The following JCAD variants were observed in gnomAD, a reference collection of about 807,000 sequenced individuals.
The protein encoded by JCAD is junctional cadherin 5 associated.
In JCAD, 40 loss-of-function variants were observed where a neutral mutation model predicts 98.0. The observed-to-expected ratio is 0.41, with a 90% confidence interval of 0.32 to 0.53. The LOEUF (loss-of-function observed/expected upper bound fraction) is 0.53. Among genes scored for constraint, JCAD ranks in the 20% least tolerant of loss-of-function variants. The pLI is 0.31. For missense variants in JCAD, 1,705 were observed against 1,738.1 expected (o/e 0.98, Z 0.34); for synonymous variants, 691 against 682.3 (o/e 1.01, Z -0.20).
At chr10:30,022,162 G>A (rs936239406) in intron 3 of JCAD, among the ~76,000 whole-genome samples, 1 of 152,134 alleles carries the variant, frequency 6.6e-6, no homozygotes, top group East Asian at 1.9e-4. Flanking sequence ...TTAACCAGAG[G>A]CATGAAAGAC....
chr10:30,050,142 CTG>C lies in JCAD; in HGVS notation c.-59-2273_-59-2272del, dbSNP rs563392053. Among the ~76,000 whole-genome samples, 685 of 151,704 alleles carry C rather than the reference CTG, an allele frequency of 4.5e-3. 10 individuals are homozygous for C. The South Asian group carries it at 0.051, about 11-fold the overall frequency. On this transcript the variant is annotated intron_variant, in intron 1 of 3. Coordinates refer to ENST00000375377, the MANE Select transcript of JCAD (RefSeq NM_020848.4). ...CAAGCTTGGCCAACATGGTGAGAGC[CTG>C]TCTCTACTAAAAATACAAAAATTAG...
intron 1 of JCAD, among the ~76,000 whole-genome samples, chr10:30,085,960 A>G (rs866280977): frequency 2.0e-5 from 3 of 152,226 alleles, no homozygotes; most frequent in South Asian, 4.1e-4. Flanking sequence ...AAATGTTAAA[A>G]TTCAAAATTA....
At chr10:30,106,170 C>T (rs551889878) in intron 1 of JCAD, among the ~76,000 whole-genome samples, 8 of 152,186 alleles carry the variant, frequency 5.3e-5, no homozygotes, top group African/African-American at 1.7e-4. Context: ...CACCTGTAAT[C>T]CCAGCACTTT....
At chr10:30,114,202 A>C (rs1330286866) in intron 1 of JCAD, among the ~76,000 whole-genome samples, 3 of 152,202 alleles carry the variant, frequency 2.0e-5, no homozygotes, top group Non-Finnish European at 4.4e-5. Context: ...CTGAAGCTTG[A>C]AATTTGGCAC....
intron 1 of JCAD, among the ~76,000 whole-genome samples, chr10:30,075,912 C>A (rs1235241334): frequency 6.6e-6 from 1 of 152,002 alleles, no homozygotes; most frequent in East Asian, 1.9e-4. Flanking sequence ...GCACTATTTC[C>A]AAGCATTGTC....
upstream of JCAD, among the ~76,000 whole-genome samples, chr10:30,063,072 CT>C (rs1429568739): frequency 6.6e-6 from 1 of 151,792 alleles, no homozygotes; most frequent in East Asian, 1.9e-4. Flanking sequence ...TCCTAATTCC[CT>C]TATCCCTACC....
intron 3 of JCAD, among the ~76,000 whole-genome samples, chr10:30,018,296 C>CTT (rs68092911): frequency 6.5e-4 from 46 of 70,662 alleles, no homozygotes; most frequent in Non-Finnish European, 6.8e-4. Flanking sequence ...TCTTCTTCTT[C>CTT]TTTTTTTTTT....
Position 30,028,505 on chromosome 10 carries a change from C to A in JCAD, c.1643G>T (p.Gly548Val). 1.2e-6 allele frequency: 2 copies of A among 1,614,254 alleles called. No individual in the cohort carries two copies. The highest frequency in any genetic ancestry group is 1.7e-6 in the Non-Finnish European group (2 of 1,180,052). Residue 548 changes from glycine (G) to valine (V), a missense_variant, in exon 3 of 4, where the codon GGC becomes GTC. This residue lies in a region of JCAD where 1,278 missense variants were observed against 1,243.1 expected (regional missense o/e 1.03). Coordinates refer to ENST00000375377, the MANE Select transcript of JCAD (RefSeq NM_020848.4). ...GGTTTGAGTTTCGCAGGTGCTCTCGCCCTGTGAGTAAGGGGAGGAAACTTG... is the reference window on the plus strand; with the variant it reads ...GGTTTGAGTTTCGCAGGTGCTCTCGACCTGTGAGTAAGGGGAGGAAACTTG... ...GRQVSSPYSQ[G>V]ESTCETQTKL...
At chr10:30,022,093 T>C (rs922711906) in intron 3 of JCAD, among the ~76,000 whole-genome samples, 3 of 152,198 alleles carry the variant, frequency 2.0e-5, no homozygotes, top group Non-Finnish European at 2.9e-5. Flanking sequence ...AATTGGAGCA[T>C]CAGTCATCCA....
intron 1 of JCAD, among the ~76,000 whole-genome samples, chr10:30,105,023 T>C (rs1249844078): frequency 6.6e-6 from 1 of 152,240 alleles, no homozygotes; most frequent in Non-Finnish European, 1.5e-5. Context: ...TTATTTTTAC[T>C]TTACAGATCA....
At chr10:30,033,245 T>C (rs1466564535) in intron 2 of JCAD, among the ~76,000 whole-genome samples, 3 of 152,246 alleles carry the variant, frequency 2.0e-5, no homozygotes, top group African/African-American at 7.2e-5. Context: ...AGGTGCTTAA[T>C]GTTCATGGAT....
At chr10:30,070,462 A>G (rs1169323954) in intron 1 of JCAD, among the ~76,000 whole-genome samples, 1 of 152,178 alleles carries the variant, frequency 6.6e-6, no homozygotes, top group Non-Finnish European at 1.5e-5. Flanking sequence ...GAATGAATTG[A>G]GCACCATTTT....
chr10:30,076,399 C>G (rs559664852), intron 1 of JCAD, among the ~76,000 whole-genome samples: 1 of 152,266 alleles, frequency 6.6e-6, no homozygotes, highest in East Asian at 1.9e-4. Flanking sequence ...AAGTTTTTAT[C>G]TGATCAAAAT....
At chr10:30,111,842 C>A (rs1052582628) in intron 1 of JCAD, among the ~76,000 whole-genome samples, 15 of 152,108 alleles carry the variant, frequency 9.9e-5, no homozygotes, top group Admixed American at 4.6e-4. Flanking sequence ...GAAATTGGAA[C>A]CTTCCTACAG....
chr10:30,028,999 G>A lies in JCAD; in HGVS notation c.1149C>T (p.Ser383=), dbSNP rs757793496. Residue 383 remains serine, a synonymous_variant, in exon 3 of 4, where the codon AGC becomes AGT. Transcript: ENST00000375377. ...QQSPTEKAGA[S]GQPPSGPPGT... ...CAGGGGGGCCTGAAGGAGGCTGACC[G>A]CTGGCCCCAGCCTTCTCGGTCGGAG... 2.0e-5 allele frequency: 33 copies of A among 1,613,890 alleles called. No homozygotes were observed. Among genetic ancestry groups the A allele is most frequent in the Middle Eastern group, 1.6e-4 (1 of 6,084 alleles).
chr10:30,072,344 A>G (rs1219604726), intron 1 of JCAD, among the ~76,000 whole-genome samples: 1 of 152,204 alleles, frequency 6.6e-6, no homozygotes, highest in Non-Finnish European at 1.5e-5. Flanking sequence ...TCCAGATTAC[A>G]TGATTTATCT....
intron 1 of JCAD, among the ~76,000 whole-genome samples, chr10:30,076,126 C>T (rs376931451): frequency 3.9e-5 from 6 of 151,966 alleles, no homozygotes; most frequent in African/African-American, 7.3e-5. Context: ...TGGGTTCAAG[C>T]GATTCTCCTG....
chr10:30,019,243 G>A (rs553000885), intron 3 of JCAD, among the ~76,000 whole-genome samples: 1 of 151,660 alleles, frequency 6.6e-6, no homozygotes, highest in South Asian at 2.1e-4. Flanking sequence ...TGTAATCCCA[G>A]CTACTCGGGA....
rs752694008 is a variant in JCAD, at chr10:30,026,235, G to A, written c.3913C>T (p.Pro1305Ser). 9 of 1,614,002 alleles carry A rather than the reference G, an allele frequency of 5.6e-6. No individual in the cohort carries two copies. In the South Asian group the frequency reaches 9.9e-5, roughly 18 times the overall value. The change falls in exon 3 of 4, where the codon CCT (proline) becomes TCT (serine). Residue 1305 changes from proline to serine, a missense_variant. Transcript: ENST00000375377. ...QAGLPGGLVS[P>S]GSGDRAQRLG... ...CTCTGGGCACGGTCCCCACTGCCAGGAGACACAAGGCCTCCCGGGAGCCCG... is the reference window on the plus strand; with the variant it reads ...CTCTGGGCACGGTCCCCACTGCCAGAAGACACAAGGCCTCCCGGGAGCCCG...
Sources: allele counts gnomAD v4.1 joint callset (sites outside exome capture counted in the v4.1 genomes callset), GRCh38; gene constraint gnomAD v4.1.1; regional missense constraint gnomAD v4.1.1; transcripts MANE v1.5; gene names NCBI Gene and HGNC (gene_info 2026-07-23, HGNC 2026-07-21).